Variants in LDLRAD3 observed in about 807,000 individuals in gnomAD.
LDLRAD3 encodes the protein low-density lipoprotein receptor class A domain-containing protein 3.
In LDLRAD3, 20 loss-of-function variants were observed where a neutral mutation model predicts 29.4. That is an observed-to-expected ratio of 0.68 (90% CI 0.48 to 0.99). The LOEUF (loss-of-function observed/expected upper bound fraction) is 0.99, where lower values mean the gene tolerates loss of function less well. Among genes scored for constraint, LDLRAD3 ranks in the 50% least tolerant of loss-of-function variants. The pLI is 0.00. For synonymous variants in LDLRAD3, 157 were observed against 192.7 expected, an observed-to-expected ratio of 0.81 and a Z score of 1.53; for missense variants, 420 against 454.3, an observed-to-expected ratio of 0.92 and a Z score of 0.69.
chr11:36,194,152 C>T (rs746111023), intron 4 of LDLRAD3, among the ~76,000 whole-genome samples: 6 of 151,948 alleles, frequency 3.9e-5, no homozygotes, highest in Non-Finnish European at 5.9e-5. Flanking sequence ...GTGCAGGGCC[C>T]GGATGTTTTG....
intron 1 of LDLRAD3, among the ~76,000 whole-genome samples, chr11:35,974,724 GAGA>G (rs966315279): frequency 1.3e-5 from 2 of 152,190 alleles, no homozygotes; most frequent in African/African-American, 4.8e-5. Flanking sequence ...CAGCAAGAAA[GAGA>G]AGGACTCCAG....
intron 1 of LDLRAD3, among the ~76,000 whole-genome samples, chr11:36,022,152 C>G (rs972102652): frequency 1.3e-5 from 2 of 152,164 alleles, no homozygotes; most frequent in South Asian, 2.1e-4. Context: ...TTCATCTCGC[C>G]TGGTATGATT....
At chr11:36,184,882 T>G (rs1426108738) in intron 4 of LDLRAD3, among the ~76,000 whole-genome samples, 1 of 152,220 alleles carries the variant, frequency 6.6e-6, no homozygotes, top group East Asian at 1.9e-4. Context: ...CCCTGGATCT[T>G]GACTTAATGT....
chr11:36,225,536 G>A (rs1015356570), intron 4 of LDLRAD3, among the ~76,000 whole-genome samples: 1 of 152,080 alleles, frequency 6.6e-6, no homozygotes, highest in South Asian at 2.1e-4. Context: ...TGGAACTCCC[G>A]AGGAAGTGCC....
At chr11:35,954,364 A>G (rs970640652) in intron 1 of LDLRAD3, among the ~76,000 whole-genome samples, 3 of 152,210 alleles carry the variant, frequency 2.0e-5, no homozygotes, top group African/African-American at 7.2e-5. Flanking sequence ...AGAAAAAAGA[A>G]TTCTTCTCTT....
intron 1 of LDLRAD3, among the ~76,000 whole-genome samples, chr11:36,002,633 C>A (rs1851838720): frequency 6.6e-6 from 1 of 152,186 alleles, no homozygotes; most frequent in South Asian, 2.1e-4. Flanking sequence ...TGGGGAGGGT[C>A]CACTGGAACC....
At chr11:36,096,684 T>C (rs1175606898) in intron 3 of LDLRAD3, among the ~76,000 whole-genome samples, 1 of 152,282 alleles carries the variant, frequency 6.6e-6, no homozygotes, top group Non-Finnish European at 1.5e-5. Context: ...CTTTTTGGCC[T>C]GTGGCTGGCG....
At chr11:36,015,049 C>T (rs1453740610) in intron 1 of LDLRAD3, among the ~76,000 whole-genome samples, 2 of 152,202 alleles carry the variant, frequency 1.3e-5, no homozygotes, top group Non-Finnish European at 2.9e-5. Flanking sequence ...CCCCTACTCC[C>T]TGTTCAGATT....
chr11:36,227,757 C>A (rs186435410), intron 5 of LDLRAD3, among the ~76,000 whole-genome samples: 224 of 152,280 alleles, frequency 1.5e-3, no homozygotes, highest in Middle Eastern at 3.4e-3. Context: ...GTCTGAGGAA[C>A]ATACAGTTAG....
intron 1 of LDLRAD3, among the ~76,000 whole-genome samples, chr11:35,981,172 T>C (rs890198486): frequency 6.9e-6 from 1 of 144,972 alleles, no homozygotes; most frequent in African/African-American, 2.5e-5. Flanking sequence ...CATTAGGCCA[T>C]ACTTTTGGGA....
At chr11:35,964,782 G>A (rs1032118903) in intron 1 of LDLRAD3, among the ~76,000 whole-genome samples, 49 of 152,226 alleles carry the variant, frequency 3.2e-4, no homozygotes, top group African/African-American at 1.1e-3. Flanking sequence ...GAGCCCTGGC[G>A]TTCAAGACCA....
chr11:36,132,920 C>G (rs1338569734), intron 4 of LDLRAD3, among the ~76,000 whole-genome samples: 1 of 152,224 alleles, frequency 6.6e-6, no homozygotes, highest in Non-Finnish European at 1.5e-5. Context: ...GGGCAAGTGA[C>G]TTCCTCTCCC....
At chr11:35,991,982 A>G (rs1851697729) in intron 1 of LDLRAD3, among the ~76,000 whole-genome samples, 1 of 151,652 alleles carries the variant, frequency 6.6e-6, no homozygotes, top group Non-Finnish European at 1.5e-5. Flanking sequence ...AAACCTGATG[A>G]TGCAGGAATT....
At chr11:36,132,407 A>G (rs1421837508) in intron 4 of LDLRAD3, among the ~76,000 whole-genome samples, 1 of 152,186 alleles carries the variant, frequency 6.6e-6, no homozygotes, top group Non-Finnish European at 1.5e-5. Flanking sequence ...GCAATAATGC[A>G]GCGTGGCTAA....
intron 4 of LDLRAD3, among the ~76,000 whole-genome samples, chr11:36,111,627 G>A (rs1853606850): frequency 6.7e-6 from 1 of 148,566 alleles, no homozygotes; most frequent in African/African-American, 2.5e-5. Context: ...CTGAGATGGA[G>A]TCTCACTCTG....
rs1216642229 is a variant in LDLRAD3, at chr11:36,170,306, A to ATATATACG, written c.455-56772_455-56765dup. On this transcript the variant is annotated intron_variant, in intron 4 of 5. Coordinates refer to ENST00000315571, the MANE Select transcript of LDLRAD3 (RefSeq NM_174902.4). ...TACATATATACACACATATATATACATATATACGTATATATGTATATATGT... is the reference window on the plus strand; with the variant it reads ...TACATATATACACACATATATATACATATATACGTATATACGTATATATGTATATATGT... Among the ~76,000 whole-genome samples the ATATATACG allele has an allele frequency of 1.0e-2, 300 of 30,126 alleles. 4 individuals carry two copies. Among genetic ancestry groups the ATATATACG allele is most frequent in the African/African-American group, 0.026 (263 of 10,214 alleles). The allele number at this position is 30,126 out of a possible 152,430, so 19.8% of individuals were successfully genotyped here.
rs1206489497 is a variant in LDLRAD3 at position 35,973,150 on chromosome 11, TG to T, written c.46+29007del. Among the ~76,000 whole-genome samples, 3 of 52,984 alleles carry T rather than the reference TG, an allele frequency of 5.7e-5. No individual in the cohort carries two copies. The East Asian group carries it at 3.0e-3, about 52-fold the overall frequency. 34.8% of individuals were successfully genotyped at this position (52,984 alleles called of 152,430 possible). A position where few individuals can be genotyped will look rare whatever the true frequency, so the allele number is the denominator to read the frequency against. On this transcript the variant is annotated intron_variant, in intron 1 of 5. Transcript: ENST00000315571. ...CTCCTCCCTGGAGGCACCTCAGTTT[TG>T]TTTTGTTTTGTTTTGTTTTGTTTTT...
chr11:36,067,359 A>G (rs1380063854), intron 2 of LDLRAD3, among the ~76,000 whole-genome samples: 1 of 152,202 alleles, frequency 6.6e-6, no homozygotes, highest in East Asian at 1.9e-4. Flanking sequence ...ATAACACTAC[A>G]TTTTATATTT....
Position 35,944,251 on chromosome 11 carries a change from CGGGCGTGGGTGAGCGCGGA to C in LDLRAD3, c.46+113_46+131del. On this transcript the variant is annotated intron_variant, in intron 1 of 5. Coordinates refer to ENST00000315571, the MANE Select transcript of LDLRAD3 (RefSeq NM_174902.4). The surrounding 1 kb of genome is among the most constrained non-coding windows in gnomAD (Gnocchi z 4.9). ...CCTCTCCCGGGCGCGGGCCGCTCTC[CGGGCGTGGGTGAGCGCGGA>C]GGGCGGACCCCGGCGCCGGGCTGGC... 1 of 671,776 alleles carries C rather than the reference CGGGCGTGGGTGAGCGCGGA, an allele frequency of 1.5e-6. No homozygotes were observed. Among genetic ancestry groups the C allele is most frequent in the East Asian group, 1.3e-4 (1 of 7,494 alleles). The allele number at this position is 671,776 out of a possible 1,614,324, so 41.6% of individuals were successfully genotyped here. A position where few individuals can be genotyped will look rare whatever the true frequency, so the allele number is the denominator to read the frequency against.
Sources: allele counts gnomAD v4.1 joint callset (sites outside exome capture counted in the v4.1 genomes callset), GRCh38; gene constraint gnomAD v4.1.1; non-coding constraint Gnocchi (gnomAD v3.1); transcripts MANE v1.5; gene names NCBI Gene and HGNC (gene_info 2026-07-23, HGNC 2026-07-21).